The following POU2F1 variants were observed in gnomAD, a reference collection of about 807,000 sequenced individuals.
POU2F1 encodes the protein POU class 2 homeobox 1.
Under a neutral mutation model 84.9 loss-of-function variants are expected in POU2F1, and 16 were observed. The observed-to-expected ratio is 0.19, with a 90% CI of 0.13 to 0.29. The LOEUF is 0.29. POU2F1 is among the 10% of genes least tolerant of loss of function. The pLI is 1.00. For synonymous variants in POU2F1, 368 were observed against 368.3 expected (o/e 1.00, Z 0.01); for missense variants, 738 against 942.6 (o/e 0.78, Z 2.84).
At chr1:167,341,995 C>G (rs1273430744) in intron 2 of POU2F1, among the ~76,000 whole-genome samples, 1 of 152,168 alleles carries the variant, frequency 6.6e-6, no homozygotes, top group Non-Finnish European at 1.5e-5. Context: ...CATTCCTTCT[C>G]TTCTCTCTGC....
chr1:167,374,884 G>A (rs1012190811), intron 6 of POU2F1, among the ~76,000 whole-genome samples: 14 of 152,124 alleles, frequency 9.2e-5, no homozygotes, highest in African/African-American at 3.1e-4. Flanking sequence ...TGGCTAACAC[G>A]GTGAAACCCC....
At chr1:167,355,835 A>G (rs1350589220) in intron 2 of POU2F1, among the ~76,000 whole-genome samples, 2 of 152,140 alleles carry the variant, frequency 1.3e-5, no homozygotes, top group African/African-American at 2.4e-5. Context: ...TTTTCTGCCT[A>G]TGGAACTTGC....
rs147472408 is a variant in POU2F1, at chr1:167,411,912, C to T, written c.1556-47C>T. On this transcript the variant is annotated intron_variant, in intron 13 of 15. Transcript: ENST00000367866. The stretch of plus-strand genomic sequence containing the variant: ...TGGCTGAGTAAAGCCACCATTCTTC[C>T]AAAACCATTTACAAAAGGTCATCTT... The T allele has an allele frequency of 2.8e-5, 43 of 1,540,902 alleles. No individual in the cohort carries two copies. The African/African-American group carries it at 5.4e-4, about 20-fold the overall frequency.
At chr1:167,242,951 C>G (rs1467684821) in intron 1 of POU2F1, among the ~76,000 whole-genome samples, 1 of 151,832 alleles carries the variant, frequency 6.6e-6, no homozygotes, top group Non-Finnish European at 1.5e-5. Flanking sequence ...CTTCCACCTG[C>G]CTCTCTCCCC....
At chr1:167,257,617 G>A (rs607975) in intron 1 of POU2F1, among the ~76,000 whole-genome samples, 107,637 of 152,052 alleles carry the variant, frequency 0.71, 38,376 homozygotes, top group East Asian at 0.87. Flanking sequence ...AATGTAAACT[G>A]TAAGTGATTG....
At chr1:167,329,229 C>A in intron 1 of POU2F1, 1 of 1,542,750 alleles carries the variant, frequency 6.5e-7, no homozygotes, top group Non-Finnish European at 8.8e-7. Context: ...AAACTGCTAC[C>A]TGTTTCTTCC....
intron 7 of POU2F1, among the ~76,000 whole-genome samples, chr1:167,377,495 G>A (rs1206141934): frequency 6.6e-6 from 1 of 152,170 alleles, no homozygotes; most frequent in Admixed American, 6.5e-5. Context: ...GCTGAGGCAG[G>A]AGAATGGTGT....
At chr1:167,350,922 C>G (rs925977653) in intron 2 of POU2F1, among the ~76,000 whole-genome samples, 1 of 149,454 alleles carries the variant, frequency 6.7e-6, no homozygotes, top group South Asian at 2.1e-4. Flanking sequence ...CGCTTGAACC[C>G]GGGAGGCCAA....
chr1:167,374,844 G>T (rs1402055287), intron 6 of POU2F1, among the ~76,000 whole-genome samples: 1 of 152,108 alleles, frequency 6.6e-6, no homozygotes, highest in African/African-American at 2.4e-5. Context: ...GAGGCGGGCG[G>T]ATCACTAGGT....
At position 167,426,322 on chromosome 1, in the gene POU2F1, T is replaced by C. The variant is rs1182247429; in HGVS notation, c.*10512T>C. ...CATGAAAATAATTGAACTGTCCTAT[T>C]CTTAGTAGTTTGAAATAATAGTATT... is the stretch of plus-strand genomic sequence containing the variant. On this transcript the variant is annotated 3_prime_UTR_variant, in exon 16 of 16. Transcript: ENST00000367866. The C allele has an allele frequency of 6.6e-6, 1 of 152,230 alleles. No homozygotes were observed. Among genetic ancestry groups the C allele is most frequent in the African/African-American group, 2.4e-5 (1 of 41,468 alleles). 9.4% of individuals were successfully genotyped at this position (152,230 alleles called of 1,614,324 possible).
At chr1:167,260,470 T>C (rs1002434993) in intron 1 of POU2F1, among the ~76,000 whole-genome samples, 1 of 152,242 alleles carries the variant, frequency 6.6e-6, no homozygotes, top group Non-Finnish European at 1.5e-5. Flanking sequence ...GATTCTCGTA[T>C]GTTTTCTTAA....
Position 167,415,941 on chromosome 1 carries a change from G to GAAAAAA in POU2F1, c.*141_*146dup. 1 of 434,184 alleles carries GAAAAAA rather than the reference G, an allele frequency of 2.3e-6. No homozygotes were observed. Among genetic ancestry groups the GAAAAAA allele is most frequent in the Non-Finnish European group, 4.0e-6 (1 of 248,384 alleles). The allele number at this position is 434,184 out of a possible 1,614,324, so 26.9% of individuals were successfully genotyped here. A position where few individuals can be genotyped will look rare whatever the true frequency, so the allele number is the denominator to read the frequency against. On this transcript the variant is annotated 3_prime_UTR_variant, in exon 16 of 16. Transcript: ENST00000367866. ...TTGTGAGGGCAAAGGAGAGAAGGGA[G>GAAAAAA]AAAAAAAAAAAAAAACCACACACAC... is the stretch of plus-strand genomic sequence containing the variant.
chr1:167,236,052 A>G (rs80069155), intron 1 of POU2F1, among the ~76,000 whole-genome samples: 3 of 152,108 alleles, frequency 2.0e-5, no homozygotes, highest in Non-Finnish European at 2.9e-5. Context: ...AATTTTTCCT[A>G]GGTTGATGAA....
chr1:167,283,064 A>G (rs1442598883), intron 1 of POU2F1, among the ~76,000 whole-genome samples: 1 of 152,238 alleles, frequency 6.6e-6, no homozygotes, highest in East Asian at 1.9e-4. Context: ...TATCTTGTGT[A>G]TACCTCATTC....
intron 9 of POU2F1, among the ~76,000 whole-genome samples, chr1:167,390,887 C>CT (rs1648348821): frequency 2.0e-5 from 3 of 152,224 alleles, no homozygotes; most frequent in Admixed American, 6.5e-5. Context: ...CGCATACTCT[C>CT]TAAGCCTATG....
At chr1:167,409,277 A>T (rs1398985484) in intron 13 of POU2F1, among the ~76,000 whole-genome samples, 1 of 152,164 alleles carries the variant, frequency 6.6e-6, no homozygotes, top group Non-Finnish European at 1.5e-5. Context: ...TTGTATCTCA[A>T]TAAAAGCTGT....
chr1:167,328,580 TC>T (rs1312542603), intron 1 of POU2F1, among the ~76,000 whole-genome samples: 1 of 152,186 alleles, frequency 6.6e-6, no homozygotes, highest in Non-Finnish European at 1.5e-5. Context: ...TAGGGTTGTT[TC>T]TAATTTGTAC....
chr1:167,248,799 C>T (rs1021027695), intron 1 of POU2F1, among the ~76,000 whole-genome samples: 1 of 152,160 alleles, frequency 6.6e-6, no homozygotes. Context: ...GTGCCAATTG[C>T]TATTCCAAGT....
intron 1 of POU2F1, among the ~76,000 whole-genome samples, chr1:167,224,985 C>T (rs1288269473): frequency 1.3e-5 from 2 of 152,052 alleles, no homozygotes; most frequent in African/African-American, 2.4e-5. Flanking sequence ...TGCGCCATGA[C>T]GCCCGGCTAA....
Sources: gnomAD v4.1 joint callset for allele counts (sites outside exome capture counted in the v4.1 genomes callset) on GRCh38, gnomAD v4.1.1 for gene constraint, MANE v1.5 for transcripts, NCBI Gene and HGNC (gene_info 2026-07-23, HGNC 2026-07-21) for gene names.